The following CNBD1 variants were observed in gnomAD, a reference collection of about 807,000 sequenced individuals.
CNBD1 encodes cyclic nucleotide binding domain containing 1.
Under a neutral mutation model 54.4 loss-of-function variants are expected in CNBD1, and 71 were observed. That is an observed-to-expected ratio of 1.30 (90% CI 1.08 to 1.59). The LOEUF (loss-of-function observed/expected upper bound fraction) is 1.59, where lower values mean the gene tolerates loss of function less well. Among genes scored for constraint, CNBD1 ranks in the 40% most tolerant of loss-of-function variants. The pLI, the probability that CNBD1 is intolerant of heterozygous loss-of-function variation, is 0.00. For missense variants in CNBD1, 659 were observed against 518.0 expected (o/e 1.27, Z -2.64); for synonymous variants, 182 against 170.7 (o/e 1.07, Z -0.51).
chr8:87,230,287 G>A (rs76823704), intron 5 of CNBD1, among the ~76,000 whole-genome samples: 8,311 of 152,108 alleles, frequency 0.055, 699 homozygotes, highest in African/African-American at 0.17. Flanking sequence ...ATTACAATTC[G>A]ACAGGAGATT....
intron 4 of CNBD1, among the ~76,000 whole-genome samples, chr8:87,200,157 T>G (rs1049710986): frequency 2.0e-5 from 3 of 152,038 alleles, no homozygotes; most frequent in Admixed American, 1.3e-4. Context: ...GAATCCCAGA[T>G]GAATAGGAGA....
chr8:87,118,612 G>C (rs1048886084), intron 4 of CNBD1, among the ~76,000 whole-genome samples: 1 of 152,126 alleles, frequency 6.6e-6, no homozygotes, highest in Non-Finnish European at 1.5e-5. Flanking sequence ...CAGGACATGG[G>C]ATCATAGAGA....
At chr8:87,404,433 G>C (rs1258218359) in intron 2 of CNBD1, among the ~76,000 whole-genome samples, 2 of 151,988 alleles carry the variant, frequency 1.3e-5, no homozygotes, top group African/African-American at 2.4e-5. Flanking sequence ...TGACAAAATT[G>C]GGTACTGAGT....
chr8:87,388,078 C>A (rs946908532), intron 2 of CNBD1, among the ~76,000 whole-genome samples: 1 of 152,094 alleles, frequency 6.6e-6, no homozygotes, highest in South Asian at 2.1e-4. Flanking sequence ...ACACAACACA[C>A]CAGAATCTCT....
intron 5 of CNBD1, among the ~76,000 whole-genome samples, chr8:87,235,864 A>G (rs912694705): frequency 2.6e-5 from 4 of 152,152 alleles, no homozygotes; most frequent in Non-Finnish European, 5.9e-5. Flanking sequence ...AAAACAAGAT[A>G]TGCTTGTATT....
In CNBD1 at chr8:87,223,259, T is replaced by C. The variant is rs957122839; in HGVS notation, c.578-13660T>C. Reference sequence around the variant, plus strand: ...ATTTATTTATTTATTTATTTTTTATTATTTAAGTTTTAGGGTACATGTGCA... The same window carrying C: ...ATTTATTTATTTATTTATTTTTTATCATTTAAGTTTTAGGGTACATGTGCA... On this transcript the variant is annotated intron_variant, in intron 5 of 10. Coordinates refer to ENST00000518476, the MANE Select transcript of CNBD1 (RefSeq NM_173538.3). 3.3e-5 allele frequency among the ~76,000 whole-genome samples: 5 copies of C among 151,250 alleles called. No individual in the cohort carries two copies. In the East Asian group the frequency reaches 9.7e-4, roughly 29 times the overall value.
rs116194312 is a variant in CNBD1, at chr8:86,918,498, G to A, written c.272+13304G>A. Among the ~76,000 whole-genome samples, 1,012 of 152,146 alleles carry A rather than the reference G, an allele frequency of 6.7e-3. 9 individuals carry two copies. Among genetic ancestry groups the A allele is most frequent in the African/African-American group, 0.023 (964 of 41,524 alleles). ...CCACAATTCCCATGTGTTGTGGGGA[G>A]GACCTGGTGGGAGATTATTGAATCA... On this transcript the variant is annotated intron_variant, in intron 3 of 10. Coordinates refer to ENST00000518476, the MANE Select transcript of CNBD1 (RefSeq NM_173538.3).
rs187358728 is a variant in CNBD1, at chr8:86,916,448, G to A, written c.272+11254G>A. Among the ~76,000 whole-genome samples the A allele has an allele frequency of 1.5e-3, 228 of 152,250 alleles. No homozygotes were observed. In the Middle Eastern group the frequency reaches 0.017, roughly 11 times the overall value. On this transcript the variant is annotated intron_variant, in intron 3 of 10. Transcript: ENST00000518476. ...TCCACACTGGCCTGCTAGCACTTGG[G>A]AGGTGAGCATGCACAGTGTGTTTAC...
chr8:87,307,826 A>G (rs1043724813), intron 8 of CNBD1, among the ~76,000 whole-genome samples: 2 of 151,500 alleles, frequency 1.3e-5, no homozygotes, highest in African/African-American at 4.8e-5. Context: ...TTTCCATTTT[A>G]AGTGATGGCA....
intron 3 of CNBD1, among the ~76,000 whole-genome samples, chr8:86,926,194 G>A (rs1370851161): frequency 6.6e-6 from 1 of 152,146 alleles, no homozygotes; most frequent in African/African-American, 2.4e-5. Context: ...AGGAAGTCCA[G>A]CTGGCCTCAC....
chr8:87,131,226 T>C (rs1353514103), intron 4 of CNBD1, among the ~76,000 whole-genome samples: 2 of 152,162 alleles, frequency 1.3e-5, no homozygotes, highest in African/African-American at 4.8e-5. Context: ...CACTACTTGT[T>C]TTATATTTTT....
At chr8:87,239,379 T>C (rs1238105952) in intron 6 of CNBD1, among the ~76,000 whole-genome samples, 2 of 152,202 alleles carry the variant, frequency 1.3e-5, no homozygotes, top group African/African-American at 4.8e-5. Context: ...ATTTGCCTTT[T>C]TGTGTATTTA....
chr8:87,230,428 C>T (rs1400191743), intron 5 of CNBD1, among the ~76,000 whole-genome samples: 2 of 152,114 alleles, frequency 1.3e-5, no homozygotes, highest in Non-Finnish European at 2.9e-5. Context: ...ACATTTTATA[C>T]ATACACATCA....
chr8:86,891,317 T>G (rs1808765462), intron 2 of CNBD1, among the ~76,000 whole-genome samples: 1 of 152,110 alleles, frequency 6.6e-6, no homozygotes, highest in Admixed American at 6.5e-5. Context: ...ATATCCAGTT[T>G]TTTAAAGCAC....
chr8:86,933,332 G>C (rs1554631551), intron 3 of CNBD1, among the ~76,000 whole-genome samples: 1 of 151,836 alleles, frequency 6.6e-6, no homozygotes, highest in Non-Finnish European at 1.5e-5. Context: ...CTACAGACTA[G>C]AAAAATGAAA....
chr8:87,104,558 T>C (rs1811494946), intron 4 of CNBD1, among the ~76,000 whole-genome samples: 1 of 152,030 alleles, frequency 6.6e-6, no homozygotes, highest in Non-Finnish European at 1.5e-5. Flanking sequence ...ACCAATGAGG[T>C]GGAATAAAGA....
intron 10 of CNBD1, among the ~76,000 whole-genome samples, chr8:87,382,072 A>T (rs1488749264): frequency 1.3e-5 from 2 of 151,990 alleles, no homozygotes; most frequent in Non-Finnish European, 2.9e-5. Flanking sequence ...GAGCCAGTCT[A>T]TATTAAAAAA....
rs1586067466 is a variant in CNBD1 at position 87,382,855 on chromosome 8, A to T, written c.*228A>T. On this transcript the variant is annotated 3_prime_UTR_variant, in exon 11 of 11. Transcript: ENST00000518476. ...AAATAAATATAGTTATCATTGCTTG[A>T]TTTACCTCTGTTGATACGAAGGTTT... is the stretch of plus-strand genomic sequence containing the variant. 2.5e-6 allele frequency: 1 copy of T among 405,958 alleles called. No individual in the cohort carries two copies. Among genetic ancestry groups the T allele is most frequent in the East Asian group, 3.5e-5 (1 of 28,454 alleles). 25.1% of individuals were successfully genotyped at this position (405,958 alleles called of 1,614,324 possible). A position where few individuals can be genotyped will look rare whatever the true frequency, so the allele number is the denominator to read the frequency against.
chr8:87,334,204 A>G (rs1314391883), intron 8 of CNBD1, among the ~76,000 whole-genome samples: 2 of 151,966 alleles, frequency 1.3e-5, no homozygotes, highest in East Asian at 3.9e-4. Context: ...GGTAGCTTGT[A>G]TTTCTTTGGG....
Sources: gnomAD v4.1 joint callset for allele counts (sites outside exome capture counted in the v4.1 genomes callset) on GRCh38, gnomAD v4.1.1 for gene constraint, MANE v1.5 for transcripts, NCBI Gene and HGNC (gene_info 2026-07-23, HGNC 2026-07-21) for gene names.